The following PCDHA9 variants were observed in gnomAD, a reference collection of about 807,000 sequenced individuals.
PCDHA9 encodes protocadherin alpha-9.
PCDHA9 carries 62 observed loss-of-function variants against 62.0 expected under a neutral mutation model. The ratio of observed to expected loss-of-function variants is 1.00; its 90% CI spans 0.81 to 1.23. The LOEUF (loss-of-function observed/expected upper bound fraction) is 1.23, where lower values mean the gene tolerates loss of function less well. PCDHA9 is among the 50% of genes most tolerant of loss of function. The pLI is 0.00. For missense variants in PCDHA9, 1,205 were observed against 1,249.8 expected, an observed-to-expected ratio of 0.96 and a Z score of 0.54; for synonymous variants, 557 against 567.6, an observed-to-expected ratio of 0.98 and a Z score of 0.27.
rs1443735818 is a variant in PCDHA9, at chr5:140,849,722, G to A, written c.1227G>A (p.Leu409=). The A allele has an allele frequency of 7.5e-6, 12 of 1,598,448 alleles. 1 individual carries two copies. The highest frequency in any genetic ancestry group is 9.4e-6 in the Non-Finnish European group (11 of 1,167,996). The change falls in exon 1 of 4, where the codon CTG becomes CTA. Residue 409 remains leucine (L), a synonymous_variant. Coordinates refer to ENST00000532602, the MANE Select transcript of PCDHA9 (RefSeq NM_031857.2). ...STYKNYYSLV[L]DRALDRESVS... is the part of the protein sequence containing the mutation. ...ACAAGAATTACTACTCGTTGGTGCT[G>A]GACAGAGCTCTGGACCGCGAGAGTG...
intron 1 of PCDHA9, chr5:140,865,230 G>A (rs1393795782): frequency 6.6e-6 from 1 of 152,136 alleles, no homozygotes; most frequent in Non-Finnish European, 1.5e-5. Flanking sequence ...GGATCCCAGA[G>A]AACACGTATT....
chr5:140,950,040 C>A (rs1053592525), intron 1 of PCDHA9, among the ~76,000 whole-genome samples: 2 of 151,718 alleles, frequency 1.3e-5, no homozygotes, highest in Non-Finnish European at 3.0e-5. Flanking sequence ...AAGTTACAAC[C>A]ATATAAGACT....
chr5:140,965,879 G>C (rs920261632), intron 1 of PCDHA9, among the ~76,000 whole-genome samples: 1 of 152,216 alleles, frequency 6.6e-6, no homozygotes, highest in Non-Finnish European at 1.5e-5. Flanking sequence ...ACTTGGCCGA[G>C]AGCAGAATTG....
At chr5:140,981,392 G>A (rs565370456) in intron 2 of PCDHA9, among the ~76,000 whole-genome samples, 1 of 152,208 alleles carries the variant, frequency 6.6e-6, no homozygotes, top group South Asian at 2.1e-4. Context: ...TGGTCAATAT[G>A]GTGAAAACCT....
chr5:140,906,459 A>G (rs1217443805), intron 1 of PCDHA9, among the ~76,000 whole-genome samples: 1 of 152,236 alleles, frequency 6.6e-6, no homozygotes. Context: ...AAATGAAGAT[A>G]TTTTCTTAGT....
At chr5:140,966,314 G>C (rs1255868901) in intron 1 of PCDHA9, 2 of 388,054 alleles carry the variant, frequency 5.2e-6, no homozygotes, top group Middle Eastern at 6.5e-4. Flanking sequence ...GTGTTCCTGC[G>C]GTCCGCTGGG....
intron 1 of PCDHA9, among the ~76,000 whole-genome samples, chr5:140,872,594 T>A (rs1554166277): frequency 1.3e-5 from 2 of 152,130 alleles, no homozygotes; most frequent in African/African-American, 2.4e-5. Context: ...GAGACCCCCA[T>A]CTGAAAAAAT....
At chr5:140,927,824 A>C in intron 1 of PCDHA9, 1 of 1,614,182 alleles carries the variant, frequency 6.2e-7, no homozygotes, top group Non-Finnish European at 8.5e-7. Context: ...GCATACATTG[A>C]GGCGAGGGAC....
Position 140,869,893 on chromosome 5 carries a change from C to G in PCDHA9, c.2394+19004C>G, listed in dbSNP as rs375422597. 3 of 1,610,510 alleles carry G rather than the reference C, an allele frequency of 1.9e-6. No homozygotes were observed. The African/African-American group carries it at 4.0e-5, about 21-fold the overall frequency. ...TGCTAAAGAAACTCTTGTGCTCAAA[C>G]TAAACGCCACAGACCGAGACGAAGG... On this transcript the variant is annotated intron_variant, in intron 1 of 3. Transcript: ENST00000532602.
intron 1 of PCDHA9, among the ~76,000 whole-genome samples, chr5:140,933,174 A>G (rs1400055066): frequency 2.0e-5 from 3 of 151,742 alleles, no homozygotes; most frequent in Non-Finnish European, 3.0e-5. Context: ...AATTGATGGC[A>G]TAAGATAATG....
At chr5:141,000,538 A>C (rs31871) in intron 3 of PCDHA9, among the ~76,000 whole-genome samples, 70,673 of 145,962 alleles carry the variant, frequency 0.48, 18,171 homozygotes, top group African/African-American at 0.68. Flanking sequence ...AGTGATTCTC[A>C]TGCCTCAAAC....
chr5:140,881,743 A>C (rs964884426), intron 1 of PCDHA9, among the ~76,000 whole-genome samples: 4 of 152,182 alleles, frequency 2.6e-5, no homozygotes, highest in African/African-American at 9.7e-5. Flanking sequence ...CAGGAAGAGG[A>C]CAGTACCACA....
intron 1 of PCDHA9, chr5:140,871,636 T>G (rs1311531075): frequency 1.5e-6 from 2 of 1,364,670 alleles, no homozygotes; most frequent in African/African-American, 2.9e-5. Flanking sequence ...TGTCTGTTCA[T>G]AAAATACCAA....
intron 1 of PCDHA9, among the ~76,000 whole-genome samples, chr5:140,886,827 G>GAA (rs782016620): frequency 3.1e-4 from 19 of 60,896 alleles, no homozygotes; most frequent in South Asian, 5.9e-4. Context: ...ACTTCGTCTT[G>GAA]AAAAAAAAAA....
chr5:140,870,319 T>C (rs782623881), intron 1 of PCDHA9: 3 of 1,614,162 alleles, frequency 1.9e-6, no homozygotes, highest in Non-Finnish European at 2.5e-6. Context: ...TTACTACTCG[T>C]TGGTGCTGGA....
At chr5:140,877,374 A>C in intron 1 of PCDHA9, 1 of 1,613,970 alleles carries the variant, frequency 6.2e-7, no homozygotes, top group Non-Finnish European at 8.5e-7. Context: ...TCAGCACGAC[A>C]CGCATCCTGG....
intron 1 of PCDHA9, among the ~76,000 whole-genome samples, chr5:140,892,929 C>T (rs1259333006): frequency 2.6e-5 from 4 of 152,174 alleles, no homozygotes; most frequent in Non-Finnish European, 5.9e-5. Flanking sequence ...TTCCCAGCCT[C>T]TGATAAGCAC....
intron 3 of PCDHA9, among the ~76,000 whole-genome samples, chr5:140,990,330 A>C (rs1554251426): frequency 6.6e-6 from 1 of 152,122 alleles, no homozygotes; most frequent in African/African-American, 2.4e-5. Context: ...AAACTTTAAA[A>C]ATAAGTAAAG....
At chr5:140,857,947 G>A in intron 1 of PCDHA9, 4 of 1,597,414 alleles carry the variant, frequency 2.5e-6, no homozygotes, top group Non-Finnish European at 2.6e-6. Context: ...TCAGTACGAC[G>A]CGCGCTCTGG....
Sources: allele counts gnomAD v4.1 joint callset (sites outside exome capture counted in the v4.1 genomes callset), GRCh38; gene constraint gnomAD v4.1.1; transcripts MANE v1.5; gene names NCBI Gene and HGNC (gene_info 2026-07-23, HGNC 2026-07-21).